Variants in SLIT3 observed in about 807,000 individuals in gnomAD.
The protein encoded by SLIT3 is slit guidance ligand 3.
SLIT3 carries 68 observed loss-of-function variants against 184.0 expected under a neutral mutation model. That is an observed-to-expected ratio of 0.37 (90% CI 0.30 to 0.45). The LOEUF is 0.45. SLIT3 is among the 20% of genes least tolerant of loss of function. The pLI is 1.00. For missense variants in SLIT3, 1,707 were observed against 2,026.0 expected (o/e 0.84, Z 3.02); for synonymous variants, 831 against 828.6 (o/e 1.00, Z -0.05).
chr5:168,814,720 G>T (rs1335726228), intron 8 of SLIT3, among the ~76,000 whole-genome samples: 1 of 152,184 alleles, frequency 6.6e-6, no homozygotes, highest in Admixed American at 6.5e-5. Context: ...GGTGCAAAAG[G>T]TACAAAAGTA....
At chr5:168,908,800 A>G (rs1761163830) in intron 4 of SLIT3, among the ~76,000 whole-genome samples, 3 of 152,350 alleles carry the variant, frequency 2.0e-5, no homozygotes, top group African/African-American at 7.2e-5. Context: ...TATACCATCT[A>G]TTACAAACGA....
At chr5:169,054,203 AAGAG>A (rs897320544) in intron 4 of SLIT3, among the ~76,000 whole-genome samples, 2 of 150,504 alleles carry the variant, frequency 1.3e-5, no homozygotes, top group Non-Finnish European at 3.0e-5. Context: ...ATGCCATATG[AAGAG>A]AGAGACACTA....
chr5:169,103,229 T>C (rs778332962), intron 4 of SLIT3, among the ~76,000 whole-genome samples: 1 of 152,196 alleles, frequency 6.6e-6, no homozygotes, highest in Non-Finnish European at 1.5e-5. Flanking sequence ...TCGGAAATAG[T>C]GAAAACTGCT....
intron 20 of SLIT3, among the ~76,000 whole-genome samples, chr5:168,746,640 A>G (rs111064128): frequency 0.45 from 12,861 of 28,436 alleles, 3,685 homozygotes; most frequent in Admixed American, 0.57. Flanking sequence ...GGTGGTGTGT[A>G]GTGGTGTGGG....
At chr5:169,222,142 C>A (rs1764636858) in intron 3 of SLIT3, among the ~76,000 whole-genome samples, 1 of 152,198 alleles carries the variant, frequency 6.6e-6, no homozygotes, top group Admixed American at 6.5e-5. Flanking sequence ...GATTTTTAAT[C>A]ATTCACATAC....
intron 4 of SLIT3, among the ~76,000 whole-genome samples, chr5:168,980,752 G>C (rs983061406): frequency 2.0e-5 from 3 of 152,186 alleles, no homozygotes; most frequent in Admixed American, 6.5e-5. Context: ...GCAGAAGTTT[G>C]GGAGAAAAGT....
intron 4 of SLIT3, among the ~76,000 whole-genome samples, chr5:169,146,936 T>C (rs1360690970): frequency 2.6e-5 from 4 of 152,240 alleles, no homozygotes; most frequent in Admixed American, 1.3e-4. Flanking sequence ...ATCTGTAGCA[T>C]GGAGATAGTG....
Position 169,300,877 on chromosome 5 carries a change from C to T in SLIT3, c.-168G>A, listed in dbSNP as rs992615674. The T allele has an allele frequency of 2.2e-5, 11 of 504,646 alleles. No individual in the cohort carries two copies. The highest frequency in any genetic ancestry group is 2.0e-4 in the African/African-American group (10 of 48,846). 31.3% of individuals were successfully genotyped at this position (504,646 alleles called of 1,614,324 possible). A position where few individuals can be genotyped will look rare whatever the true frequency, so the allele number is the denominator to read the frequency against. ...CGCACGGGGCGCGGGCGGAGCGGGG[C>T]GCTCCGGGCGGCGGCGGCGGCAGCA... On this transcript the variant is annotated 5_prime_UTR_variant, in exon 1 of 36. Coordinates refer to ENST00000519560, the MANE Select transcript of SLIT3 (RefSeq NM_003062.4). This position sits in a 1 kb window ranked among gnomAD's most constrained non-coding sequence, Gnocchi z 4.1.
rs777033066 is a variant in SLIT3 at position 169,101,781 on chromosome 5, C to T, written c.413+91698G>A. 1.2e-3 allele frequency among the ~76,000 whole-genome samples: 189 copies of T among 152,334 alleles called. 1 individual carries two copies. The highest frequency in any genetic ancestry group is 2.1e-3 in the Non-Finnish European group (146 of 68,032). ...ATTTGCAATATGCTCTGGCTACCCT[C>T]ACCACAGGGCCTTTGCACATGTTAT... On this transcript the variant is annotated intron_variant, in intron 4 of 35. Transcript: ENST00000519560.
intron 1 of SLIT3, among the ~76,000 whole-genome samples, chr5:169,269,667 C>T (rs1766530733): frequency 6.6e-6 from 1 of 152,216 alleles, no homozygotes; most frequent in Admixed American, 6.5e-5. Flanking sequence ...ACCACCAACC[C>T]CATTCAGGCA....
At chr5:168,842,469 G>GTTTTTGTTTTTTTTTT (rs1758294757) in intron 6 of SLIT3, among the ~76,000 whole-genome samples, 1 of 88,100 alleles carries the variant, frequency 1.1e-5, no homozygotes, top group African/African-American at 4.8e-5. Flanking sequence ...CCGTTTTTTC[G>GTTTTTGTTTTTTTTTT]TTTTTTTTTT....
In SLIT3 at chr5:168,695,741, A is replaced by T. The variant is rs115716883; in HGVS notation, c.3082+551T>A. 5.3e-3 allele frequency among the ~76,000 whole-genome samples: 801 copies of T among 152,136 alleles called. 11 individuals carry two copies. The highest frequency in any genetic ancestry group is 0.018 in the African/African-American group (754 of 41,484). On this transcript the variant is annotated intron_variant, in intron 28 of 35. Transcript: ENST00000519560. ...TGCTCTCTTGTGGGAGCCTTCCTGG[A>T]TTCTCTGGCTGGGTTAGGTTCCTTC...
At chr5:168,908,955 T>G (rs1229051736) in intron 4 of SLIT3, among the ~76,000 whole-genome samples, 10 of 152,152 alleles carry the variant, frequency 6.6e-5, no homozygotes, top group African/African-American at 2.4e-4. Context: ...TGCCTACCTA[T>G]CCCCTACTTG....
chr5:168,994,933 C>T (rs770149219), intron 4 of SLIT3, among the ~76,000 whole-genome samples: 12 of 152,160 alleles, frequency 7.9e-5, no homozygotes, highest in Admixed American at 2.0e-4. Context: ...TGAGCCACTG[C>T]GCCCAGCCCT....
chr5:168,702,050 C>A (rs1762232809), intron 26 of SLIT3, among the ~76,000 whole-genome samples: 1 of 152,202 alleles, frequency 6.6e-6, no homozygotes, highest in Non-Finnish European at 1.5e-5. Flanking sequence ...CCCTTCATGC[C>A]CTGTCCCAGC....
chr5:169,104,739 G>A (rs1760140385), intron 4 of SLIT3, among the ~76,000 whole-genome samples: 1 of 152,130 alleles, frequency 6.6e-6, no homozygotes, highest in Non-Finnish European at 1.5e-5. Context: ...TGGCAACCAA[G>A]GAACCATCTG....
At chr5:169,272,364 G>A (rs1766657023) in intron 1 of SLIT3, among the ~76,000 whole-genome samples, 1 of 152,236 alleles carries the variant, frequency 6.6e-6, no homozygotes, top group African/African-American at 2.4e-5. Context: ...CAAGGTCCCT[G>A]TTACTTCCTA....
intron 4 of SLIT3, among the ~76,000 whole-genome samples, chr5:169,086,745 C>T (rs910272449): frequency 1.3e-5 from 2 of 152,162 alleles, no homozygotes; most frequent in African/African-American, 4.8e-5. Context: ...TGCCCTTGAC[C>T]TTTGACCCTT....
chr5:168,734,015 T>C (rs1179392577), intron 20 of SLIT3, among the ~76,000 whole-genome samples: 1 of 152,082 alleles, frequency 6.6e-6, no homozygotes, highest in Non-Finnish European at 1.5e-5. Context: ...AGTAGAATAA[T>C]GGACACTGGA....
Sources: gnomAD v4.1 joint callset for allele counts (sites outside exome capture counted in the v4.1 genomes callset) on GRCh38, gnomAD v4.1.1 for gene constraint, Gnocchi (gnomAD v3.1) non-coding constraint, MANE v1.5 for transcripts, NCBI Gene and HGNC (gene_info 2026-07-23, HGNC 2026-07-21) for gene names.